Variants in RPTOR observed in about 807,000 individuals in gnomAD.
RPTOR encodes the protein regulatory associated protein of MTOR complex 1, also known as regulatory-associated protein of mTOR.
A neutral mutation model predicts 169.9 loss-of-function variants in RPTOR; 21 were observed. The ratio of observed to expected loss-of-function variants is 0.12; its 90% CI spans 0.09 to 0.18. The LOEUF (loss-of-function observed/expected upper bound fraction) is 0.18. Among genes scored for constraint, RPTOR ranks in the 10% least tolerant of loss-of-function variants. RPTOR has a pLI of 1.00. For synonymous variants in RPTOR, 732 were observed against 753.2 expected (o/e 0.97, Z 0.46); for missense variants, 1,133 against 1,855.9 (o/e 0.61, Z 7.16).
intron 13 of RPTOR, among the ~76,000 whole-genome samples, chr17:80,868,285 C>T (rs1405710369): frequency 1.3e-5 from 2 of 152,168 alleles, no homozygotes; most frequent in East Asian, 3.8e-4. Flanking sequence ...TTTGAGCAGA[C>T]ACTTCACCAA....
At chr17:80,922,912 C>T in intron 22 of RPTOR, 85 bp downstream of exon 22, 1 of 1,109,320 alleles carries the variant, frequency 9.0e-7, no homozygotes, top group South Asian at 1.4e-5. Flanking sequence ...GCCTCCCCAT[C>T]CTCCTCCTTC....
At chr17:80,834,903 A>G (rs772965196) in intron 9 of RPTOR, among the ~76,000 whole-genome samples, 2 of 152,182 alleles carry the variant, frequency 1.3e-5, no homozygotes, top group Non-Finnish European at 2.9e-5. Flanking sequence ...TAACTTGCAC[A>G]CACTTTCTTC....
intron 3 of RPTOR, among the ~76,000 whole-genome samples, chr17:80,657,807 G>A (rs2065691473): frequency 6.6e-6 from 1 of 152,262 alleles, no homozygotes; most frequent in East Asian, 1.9e-4. Context: ...TTGATACACT[G>A]TGTATCTGGG....
rs948573878 is a variant in RPTOR, at chr17:80,698,853, G to C, written c.349-8988G>C. 2.6e-5 allele frequency among the ~76,000 whole-genome samples: 4 copies of C among 152,326 alleles called. No homozygotes were observed. The South Asian group carries it at 8.3e-4, about 32-fold the overall frequency. ...CCTGACTAGTGGTGCAGCTCTTCAG[G>C]GGGTAGTGCCCATCCAATTCCTGGG... On this transcript the variant is annotated intron_variant, in intron 3 of 33. Coordinates refer to ENST00000306801, the MANE Select transcript of RPTOR (RefSeq NM_020761.3).
intron 1 of RPTOR, among the ~76,000 whole-genome samples, chr17:80,612,816 C>T (rs1460567446): frequency 2.0e-5 from 3 of 152,078 alleles, no homozygotes; most frequent in Admixed American, 1.3e-4. Flanking sequence ...TGCAGTGAAC[C>T]GTGATCACGC....
rs929800606 is a variant in RPTOR, at chr17:80,633,021, C to T, written c.265+7228C>T. 6.6e-6 allele frequency among the ~76,000 whole-genome samples: 1 copy of T among 152,132 alleles called. No individual in the cohort carries two copies. The highest frequency in any genetic ancestry group is 6.5e-5 in the Admixed American group (1 of 15,272). On this transcript the variant is annotated intron_variant, in intron 2 of 33. Transcript: ENST00000306801. The surrounding 1 kb of genome is among the most constrained non-coding windows in gnomAD (Gnocchi z 4.1). Reference sequence around the variant, plus strand: ...CTTTGTTGCTCAGGCTGGTCTCGAACTCCTGGGCTCAAGTGATCCTCCCAC... The same window carrying T: ...CTTTGTTGCTCAGGCTGGTCTCGAATTCCTGGGCTCAAGTGATCCTCCCAC...
chr17:80,665,371 T>C (rs1264755234), intron 3 of RPTOR, among the ~76,000 whole-genome samples: 167 of 5,734 alleles, frequency 0.029, 1 homozygote, highest in African/African-American at 0.16. Context: ...TCCTTTCCTT[T>C]CCTTTCCTTT....
intron 2 of RPTOR, among the ~76,000 whole-genome samples, 153 bp downstream of exon 2, chr17:80,625,946 T>C (rs2065390899): frequency 6.6e-6 from 1 of 152,254 alleles, no homozygotes; most frequent in Non-Finnish European, 1.5e-5. Flanking sequence ...CACCTTTGAG[T>C]AATTTCCGAT....
chr17:80,565,095 G>A lies in RPTOR; in HGVS notation c.162+19304G>A, dbSNP rs58310244. Among the ~76,000 whole-genome samples, 236 of 152,276 alleles carry A rather than the reference G, an allele frequency of 1.5e-3. 1 individual carries two copies. Among genetic ancestry groups the A allele is most frequent in the African/African-American group, 5.0e-3 (207 of 41,554 alleles). On this transcript the variant is annotated intron_variant, in intron 1 of 33. Transcript: ENST00000306801. ...TGCTGCAGTGAACATAAGCATGCGT[G>A]TCTTTATGGTAGAAGGATTTCTAGC... is the stretch of plus-strand genomic sequence containing the variant.
At chr17:80,744,168 GTTA>G (rs2066532248) in intron 5 of RPTOR, among the ~76,000 whole-genome samples, 1 of 74,376 alleles carries the variant, frequency 1.3e-5, no homozygotes, top group Admixed American at 1.3e-4. Context: ...CACAGCCCTG[GTTA>G]CTAGCACTAT....
chr17:80,650,016 G>T (rs184475879), intron 3 of RPTOR, among the ~76,000 whole-genome samples: 161 of 152,334 alleles, frequency 1.1e-3, no homozygotes, highest in Middle Eastern at 6.8e-3. Flanking sequence ...AGAGCATAAA[G>T]GTGTTGTCAC....
At chr17:80,676,387 A>G (rs1276346529) in intron 3 of RPTOR, among the ~76,000 whole-genome samples, 1 of 152,248 alleles carries the variant, frequency 6.6e-6, no homozygotes, top group East Asian at 1.9e-4. Flanking sequence ...AAAAGAAACA[A>G]AATGGCCAGC....
chr17:80,753,405 C>T (rs915345916), intron 5 of RPTOR, among the ~76,000 whole-genome samples: 14 of 152,030 alleles, frequency 9.2e-5, no homozygotes, highest in African/African-American at 2.2e-4. Flanking sequence ...GAGGCCGAGA[C>T]GGGCGGATCA....
At chr17:80,945,464 C>T in intron 25 of RPTOR, 1 of 394,940 alleles carries the variant, frequency 2.5e-6, no homozygotes, top group Non-Finnish European at 4.6e-6. Context: ...TGGTGGCGGG[C>T]ACCTGTAGTC....
rs77655529 is a variant in RPTOR at position 80,622,514 on chromosome 17, T to A, written c.163-3177T>A. ...ATAGATGAAGGGGCCATTTGTCTCT[T>A]ACGCTTCATAATGGAGGCTTCTGTT... On this transcript the variant is annotated intron_variant, in intron 1 of 33. Transcript: ENST00000306801. Among the ~76,000 whole-genome samples the A allele has an allele frequency of 8.6e-3, 1,303 of 152,370 alleles. 17 individuals are homozygous for A. Among genetic ancestry groups the A allele is most frequent in the African/African-American group, 0.03 (1,238 of 41,584 alleles).
intron 24 of RPTOR, among the ~76,000 whole-genome samples, chr17:80,930,324 A>AGCTCATCCTCAGCTCATCCTCT (rs1567993582): frequency 9.9e-5 from 11 of 110,588 alleles, no homozygotes; most frequent in Non-Finnish European, 1.8e-4. Context: ...AGCTCAGCTC[A>AGCTCATCCTCAGCTCATCCTCT]GCTCATCCTC....
intron 3 of RPTOR, among the ~76,000 whole-genome samples, chr17:80,685,756 C>T (rs1407675575): frequency 6.7e-6 from 1 of 149,656 alleles, no homozygotes; most frequent in Non-Finnish European, 1.5e-5. Context: ...CTCCCCACAT[C>T]GTGGGGTGCT....
In RPTOR at chr17:80,964,750, G is replaced by A. The variant is rs528288665; in HGVS notation, c.*420G>A. 2.6e-5 allele frequency: 7 copies of A among 273,184 alleles called. No individual in the cohort carries two copies. In the Admixed American group the frequency reaches 2.9e-4, roughly 11 times the overall value. 16.9% of individuals were successfully genotyped at this position (273,184 alleles called of 1,614,324 possible). A position where few individuals can be genotyped will look rare whatever the true frequency, so the allele number is the denominator to read the frequency against. On this transcript the variant is annotated 3_prime_UTR_variant, in exon 34 of 34. Coordinates refer to ENST00000306801, the MANE Select transcript of RPTOR (RefSeq NM_020761.3). ...GCTGGGGCTCCTACGGGTCCCTGGG[G>A]CAGCTGTCCCCATCAGGCCAAGAGC...
rs1567887652 is a variant in RPTOR at position 80,743,892 on chromosome 17, GTCCTGGTTACGAGCAC to G, written c.655-10117_655-10102del. 5.5e-5 allele frequency among the ~76,000 whole-genome samples: 4 copies of G among 72,474 alleles called. 1 individual carries two copies. The highest frequency in any genetic ancestry group is 2.4e-4 in the African/African-American group (4 of 16,764). 47.5% of individuals were successfully genotyped at this position (72,474 alleles called of 152,430 possible). A position where few individuals can be genotyped will look rare whatever the true frequency, so the allele number is the denominator to read the frequency against. ...TAGCACAGCCCTGGCTACTAGCACT[GTCCTGGTTACGAGCAC>G]AGCCCTGGTTACTAGCAGAGCCCTG... is the stretch of plus-strand genomic sequence containing the variant. On this transcript the variant is annotated intron_variant, in intron 5 of 33. Coordinates refer to ENST00000306801, the MANE Select transcript of RPTOR (RefSeq NM_020761.3).
Sources: gnomAD v4.1 joint callset for allele counts (sites outside exome capture counted in the v4.1 genomes callset) on GRCh38, gnomAD v4.1.1 for gene constraint, Gnocchi (gnomAD v3.1) non-coding constraint, MANE v1.5 for transcripts, NCBI Gene and HGNC (gene_info 2026-07-23, HGNC 2026-07-21) for gene names.